MYO9A: variants seen among roughly 807,000 people sequenced by gnomAD.
MYO9A encodes myosin IXA.
A neutral mutation model predicts 293.3 loss-of-function variants in MYO9A; 103 were observed. The ratio of observed to expected loss-of-function variants is 0.35; its 90% confidence interval spans 0.30 to 0.41. The LOEUF (loss-of-function observed/expected upper bound fraction) is 0.41. Ranked by LOEUF, MYO9A falls within the 10% of genes least tolerant of loss-of-function variation. MYO9A has a pLI of 1.00. For missense variants in MYO9A, 2,685 were observed against 3,033.0 expected (o/e 0.89, Z 2.69); for synonymous variants, 1,001 against 1,035.7 (o/e 0.97, Z 0.64).
At chr15:71,953,082 A>T (rs2059090967) in intron 14 of MYO9A, among the ~76,000 whole-genome samples, 1 of 152,374 alleles carries the variant, frequency 6.6e-6, no homozygotes, top group East Asian at 1.9e-4. Flanking sequence ...TCATAATAAA[A>T]GTAACTAAAC....
intron 1 of MYO9A, among the ~76,000 whole-genome samples, chr15:72,074,699 A>C (rs1277222731): frequency 6.6e-6 from 1 of 152,210 alleles, no homozygotes; most frequent in African/African-American, 2.4e-5. Context: ...TGCAGAGTAG[A>C]AAGTCAAGTG....
intron 13 of MYO9A, 66 bp downstream of exon 13, chr15:71,967,918 G>C (rs2075917151): frequency 7.1e-7 from 1 of 1,409,530 alleles, no homozygotes; most frequent in South Asian, 1.7e-5. Context: ...AAAGAGGGCA[G>C]TGTGCTGGGG....
intron 2 of MYO9A, chr15:72,045,148 G>A (rs2078345021): frequency 6.6e-6 from 1 of 152,124 alleles, no homozygotes; most frequent in Non-Finnish European, 1.5e-5. Context: ...CTACGCTGCA[G>A]GCAGTGTGCC....
At chr15:71,899,076 A>G (rs1395183739) in intron 24 of MYO9A, 44 bp from the exon 25 acceptor site, 1 of 1,444,704 alleles carries the variant, frequency 6.9e-7, no homozygotes, top group East Asian at 2.3e-5. Context: ...TATCTTAGTT[A>G]CCACTGAAAA....
chr15:72,111,446 GC>G (rs2080776412), intron 1 of MYO9A, among the ~76,000 whole-genome samples: 1 of 147,098 alleles, frequency 6.8e-6, no homozygotes, highest in Admixed American at 6.8e-5. Flanking sequence ...CCGAGATTGC[GC>G]CACTGCACTC....
chr15:71,871,005 C>T (rs2056494480), intron 32 of MYO9A, among the ~76,000 whole-genome samples: 1 of 152,126 alleles, frequency 6.6e-6, no homozygotes, highest in Non-Finnish European at 1.5e-5. Flanking sequence ...CCCTTGGTGC[C>T]TTGGTCCATA....
At chr15:72,101,040 GC>G (rs1189444927) in intron 1 of MYO9A, among the ~76,000 whole-genome samples, 1 of 138,746 alleles carries the variant, frequency 7.2e-6, no homozygotes, top group African/African-American at 2.6e-5. Flanking sequence ...CCCCCGCCCG[GC>G]CAGCCGCCCC....
Position 72,100,850 on chromosome 15 carries a change from G to C in MYO9A, c.-72+16830C>G, listed in dbSNP as rs1217185118. On this transcript the variant is annotated intron_variant, in intron 1 of 41. Coordinates refer to ENST00000356056, the MANE Select transcript of MYO9A (RefSeq NM_006901.4). ...GAGGAGCGTCTCCGCCCGGCCAGCC[G>C]CCCCGTCCGGGAGGGAGGTGGGGGG... 3.3e-5 allele frequency among the ~76,000 whole-genome samples: 5 copies of C among 150,850 alleles called. 1 individual carries two copies. The South Asian group carries it at 1.0e-3, about 32-fold the overall frequency.
At chr15:72,033,838 G>A (rs151167523) in intron 2 of MYO9A, among the ~76,000 whole-genome samples, 127 of 152,170 alleles carry the variant, frequency 8.3e-4, no homozygotes, top group African/African-American at 2.9e-3. Context: ...TAAAAATGAA[G>A]CCACTGCCCT....
At chr15:71,870,024 A>G (rs1028517544) in intron 32 of MYO9A, among the ~76,000 whole-genome samples, 1 of 152,188 alleles carries the variant, frequency 6.6e-6, no homozygotes, top group Non-Finnish European at 1.5e-5. Context: ...TCTTGCATCT[A>G]TAAATGGCTG....
chr15:71,866,001 C>CT (rs1012649897), intron 32 of MYO9A, among the ~76,000 whole-genome samples: 79 of 152,276 alleles, frequency 5.2e-4, no homozygotes, highest in African/African-American at 1.8e-3. Flanking sequence ...ATTTCACCTT[C>CT]TTCAGTAAAG....
intron 1 of MYO9A, among the ~76,000 whole-genome samples, chr15:72,100,526 T>C (rs1220919626): frequency 7.0e-6 from 1 of 143,404 alleles, no homozygotes; most frequent in Non-Finnish European, 1.5e-5. Flanking sequence ...AGCGCCTCTT[T>C]CCGGCCGCCA....
chr15:71,885,269 T>C (rs1430409333), intron 27 of MYO9A, among the ~76,000 whole-genome samples: 1 of 152,126 alleles, frequency 6.6e-6, no homozygotes, highest in Non-Finnish European at 1.5e-5. Flanking sequence ...CAATATTCAG[T>C]ATTTACTTTT....
chr15:71,967,377 A>T (rs1226188153), intron 13 of MYO9A, among the ~76,000 whole-genome samples: 1 of 152,184 alleles, frequency 6.6e-6, no homozygotes, highest in Non-Finnish European at 1.5e-5. Context: ...TAAATCAATA[A>T]ATGGATGAAT....
In MYO9A at chr15:71,959,886, A is replaced by G. The variant is rs778032735; in HGVS notation, c.2182+15T>C. On this transcript the variant is annotated intron_variant, in intron 14 of 41. Transcript: ENST00000356056. The stretch of plus-strand genomic sequence containing the variant: ...AAAGATGAAGTATGGTAGAATACTA[A>G]TAACTACTACTTACCAGTTTTTCTG... 1.2e-6 allele frequency: 2 copies of G among 1,605,772 alleles called. No homozygotes were observed. Among genetic ancestry groups the G allele is most frequent in the Non-Finnish European group, 1.7e-6 (2 of 1,175,048 alleles).
chr15:72,007,482 G>A (rs994071213), intron 8 of MYO9A, among the ~76,000 whole-genome samples: 4 of 151,904 alleles, frequency 2.6e-5, no homozygotes, highest in Non-Finnish European at 5.9e-5. Context: ...CTTAGTATGA[G>A]AAGAAATCTC....
chr15:72,101,845 C>T (rs1441095656), intron 1 of MYO9A, among the ~76,000 whole-genome samples: 4 of 151,018 alleles, frequency 2.6e-5, no homozygotes, highest in African/African-American at 7.3e-5. Context: ...CCCGGCCAGC[C>T]GCCCCGTCCG....
intron 18 of MYO9A, among the ~76,000 whole-genome samples, chr15:71,931,386 G>A (rs1042507021): frequency 2.0e-5 from 3 of 152,150 alleles, no homozygotes; most frequent in African/African-American, 7.2e-5. Flanking sequence ...ACTATGGTTG[G>A]CAGGTCTTTT....
intron 1 of MYO9A, among the ~76,000 whole-genome samples, chr15:72,092,294 C>G (rs1222714760): frequency 6.6e-6 from 1 of 152,168 alleles, no homozygotes; most frequent in Non-Finnish European, 1.5e-5. Context: ...TAACCTAATC[C>G]CCTAAGAACT....
Sources: gnomAD v4.1 joint callset for allele counts (sites outside exome capture counted in the v4.1 genomes callset) on GRCh38, gnomAD v4.1.1 for gene constraint, MANE v1.5 for transcripts, NCBI Gene and HGNC (gene_info 2026-07-23, HGNC 2026-07-21) for gene names.